Variants in SOX6 observed in about 807,000 individuals in gnomAD.
SOX6 encodes SRY-box transcription factor 6.
A neutral mutation model predicts 97.8 loss-of-function variants in SOX6; 11 were observed. The observed-to-expected ratio is 0.11, with a 90% CI of 0.07 to 0.19. The LOEUF is 0.19. Ranked by LOEUF, SOX6 falls within the 10% of genes least tolerant of loss-of-function variation. The pLI is 1.00. For missense variants in SOX6, 810 were observed against 1,039.5 expected (o/e 0.78, Z 3.04); for synonymous variants, 360 against 371.4 (o/e 0.97, Z 0.35).
chr11:16,079,360 C>T (rs928594195), intron 9 of SOX6, among the ~76,000 whole-genome samples: 14 of 151,984 alleles, frequency 9.2e-5, no homozygotes, highest in Admixed American at 2.6e-4. Flanking sequence ...TAAGATTATT[C>T]GAATGCTATT....
intron 4 of SOX6, among the ~76,000 whole-genome samples, chr11:16,553,749 C>A (rs1847717454): frequency 6.6e-6 from 1 of 152,040 alleles, no homozygotes; most frequent in Non-Finnish European, 1.5e-5. Context: ...ATAAAATTAA[C>A]AGTAAATAAA....
chr11:16,416,733 G>T (rs1462384468), intron 1 of SOX6, among the ~76,000 whole-genome samples: 2 of 152,030 alleles, frequency 1.3e-5, no homozygotes, highest in Admixed American at 6.6e-5. Context: ...ATATTTATTA[G>T]GTGCTTACTA....
chr11:16,466,784 A>T (rs1860042365), intron 1 of SOX6, among the ~76,000 whole-genome samples: 1 of 150,472 alleles, frequency 6.6e-6, no homozygotes. Flanking sequence ...CAAAAAAATT[A>T]GCCGGGCGTA....
At chr11:16,400,787 T>A (rs569037237) in intron 1 of SOX6, among the ~76,000 whole-genome samples, 17 of 151,614 alleles carry the variant, frequency 1.1e-4, no homozygotes, top group African/African-American at 4.1e-4. Context: ...CATACGTAGA[T>A]AAAAGACTTG....
chr11:16,658,244 A>G (rs1299952407), intron 3 of SOX6, among the ~76,000 whole-genome samples: 1 of 152,208 alleles, frequency 6.6e-6, no homozygotes, highest in Admixed American at 6.5e-5. Context: ...CGTGATTACC[A>G]GTGAGACAGA....
intron 1 of SOX6, among the ~76,000 whole-genome samples, chr11:16,392,129 C>A (rs1310603524): frequency 1.3e-5 from 2 of 151,972 alleles, no homozygotes; most frequent in Admixed American, 1.3e-4. Flanking sequence ...GACACTGTTA[C>A]CCTGACACGA....
intron 12 of SOX6, among the ~76,000 whole-genome samples, chr11:16,041,211 C>A (rs1855652299): frequency 6.6e-6 from 1 of 152,106 alleles, no homozygotes; most frequent in South Asian, 2.1e-4. Context: ...ATTCCCAACA[C>A]ACTTTGCTAA....
chr11:16,380,950 T>C (rs1857795988), intron 1 of SOX6, among the ~76,000 whole-genome samples: 1 of 152,064 alleles, frequency 6.6e-6, no homozygotes, highest in South Asian at 2.1e-4. Flanking sequence ...AAACATATGA[T>C]CTTGAGCAAG....
intron 4 of SOX6, among the ~76,000 whole-genome samples, chr11:16,580,246 A>G (rs1848020108): frequency 6.6e-6 from 1 of 152,140 alleles, no homozygotes; most frequent in Non-Finnish European, 1.5e-5. Flanking sequence ...GGTTGATAAA[A>G]TTTATAAATT....
rs138093856 is a variant in SOX6 at position 16,671,942 on chromosome 11, C to T, written n.429+42888G>A. Among the ~76,000 whole-genome samples the T allele has an allele frequency of 1.2e-3, 176 of 152,270 alleles. 1 individual carries two copies. The highest frequency in any genetic ancestry group is 1.0e-3 in the Non-Finnish European group (71 of 68,016). ...CAAAGGAAACACCCTCAAGATAACA[C>T]CAGATGTTTCAGCTGAAACCCTATG... On this transcript the variant is annotated intron_variant and non_coding_transcript_variant, in intron 3 of 5. Transcript: ENST00000524520.
chr11:16,541,508 C>T (rs1424859483), intron 4 of SOX6, among the ~76,000 whole-genome samples: 3 of 152,118 alleles, frequency 2.0e-5, no homozygotes, highest in African/African-American at 7.2e-5. Context: ...GCAAAAGAAA[C>T]TATCATCAGA....
intron 1 of SOX6, among the ~76,000 whole-genome samples, chr11:16,461,932 G>T (rs573375177): frequency 1.3e-5 from 2 of 152,136 alleles, no homozygotes; most frequent in African/African-American, 4.8e-5. Flanking sequence ...AGACTCTAAG[G>T]TTCTTGAGGG....
rs1027856153 is a variant in SOX6 at position 16,030,334 on chromosome 11, A to T, written c.1624-15284T>A. ...ACACTTGTACTTTCAATTATTTTAA[A>T]ATTCATTGACAATTATAGTTTCTCA... On this transcript the variant is annotated intron_variant, in intron 12 of 15. Coordinates refer to ENST00000683767, the MANE Select transcript of SOX6 (RefSeq NM_001367873.1). 4.6e-5 allele frequency among the ~76,000 whole-genome samples: 7 copies of T among 152,316 alleles called. No homozygotes were observed. The East Asian group carries it at 1.3e-3, about 29-fold the overall frequency.
intron 1 of SOX6, chr11:16,402,527 T>C: frequency 2.3e-6 from 2 of 859,106 alleles, no homozygotes; most frequent in East Asian, 2.5e-5. Flanking sequence ...AGAGATTTGA[T>C]GGCCCACAGA....
intron 6 of SOX6, among the ~76,000 whole-genome samples, chr11:16,116,312 A>G (rs1590206331): frequency 6.6e-6 from 1 of 152,318 alleles, no homozygotes; most frequent in South Asian, 2.1e-4. Context: ...CCTGTAAGGT[A>G]CTAACTACTA....
Position 15,978,494 on chromosome 11 carries a change from C to T in SOX6, c.2184-5382G>A, listed in dbSNP as rs1040293340. 8.9e-5 allele frequency among the ~76,000 whole-genome samples: 11 copies of T among 124,292 alleles called. No individual in the cohort carries two copies. In the East Asian group the frequency reaches 1.1e-3, roughly 12 times the overall value. 81.5% of individuals were successfully genotyped at this position (124,292 alleles called of 152,430 possible). Reference sequence around the variant, plus strand: ...TTGTTTTCTCAGATGCCACACCCTCCTGGTCTTCTTCCTAATTGGCTGCTC... The same window carrying T: ...TTGTTTTCTCAGATGCCACACCCTCTTGGTCTTCTTCCTAATTGGCTGCTC... On this transcript the variant is annotated intron_variant, in intron 15 of 15. Coordinates refer to ENST00000683767, the MANE Select transcript of SOX6 (RefSeq NM_001367873.1).
chr11:16,309,316 A>G (rs1590113062), intron 3 of SOX6, among the ~76,000 whole-genome samples: 1 of 152,230 alleles, frequency 6.6e-6, no homozygotes, highest in Non-Finnish European at 1.5e-5. Flanking sequence ...ATAGCATAGC[A>G]TGGAATAGTA....
chr11:16,002,170 C>T (rs927531322), intron 13 of SOX6, among the ~76,000 whole-genome samples: 1 of 152,112 alleles, frequency 6.6e-6, no homozygotes, highest in African/African-American at 2.4e-5. Context: ...ACCGGAGTGG[C>T]GCAGGAGTTA....
At chr11:16,069,694 T>A (rs1257783111) in intron 9 of SOX6, among the ~76,000 whole-genome samples, 5 of 152,194 alleles carry the variant, frequency 3.3e-5, no homozygotes, top group Non-Finnish European at 7.3e-5. Context: ...CAAAAATTTG[T>A]CTCAGGTGAG....
Sources: gnomAD v4.1 joint callset for allele counts (sites outside exome capture counted in the v4.1 genomes callset) on GRCh38, gnomAD v4.1.1 for gene constraint, MANE v1.5 for transcripts, NCBI Gene and HGNC (gene_info 2026-07-23, HGNC 2026-07-21) for gene names.